LTA4H: variants seen among roughly 807,000 people sequenced by gnomAD.
LTA4H encodes leukotriene A4 hydrolase.
In LTA4H, 59 loss-of-function variants were observed where a neutral mutation model predicts 89.8. The observed-to-expected ratio is 0.66, with a 90% CI of 0.53 to 0.82. LTA4H has a LOEUF of 0.82. LTA4H is among the 40% of genes least tolerant of loss of function. LTA4H has a pLI of 0.00. For missense variants in LTA4H, 617 were observed against 727.0 expected, an observed-to-expected ratio of 0.85 and a Z score of 1.74; for synonymous variants, 227 against 253.1, an observed-to-expected ratio of 0.90 and a Z score of 0.98.
At chr12:96,032,304 G>A (rs992227720) in intron 1 of LTA4H, among the ~76,000 whole-genome samples, 1 of 152,192 alleles carries the variant, frequency 6.6e-6, no homozygotes, top group African/African-American at 2.4e-5. Context: ...GAACGGAGAG[G>A]AAAAGAAGAC....
chr12:96,023,975 G>T (rs1269776979), intron 4 of LTA4H, among the ~76,000 whole-genome samples: 4 of 151,836 alleles, frequency 2.6e-5, no homozygotes, highest in African/African-American at 9.7e-5. Flanking sequence ...TGTCGCCCAG[G>T]CTGGAGTGCA....
rs758805528 is a variant in LTA4H at position 96,015,712 on chromosome 12, T to C, written c.948-18A>G. The C allele has an allele frequency of 1.4e-6, 2 of 1,411,876 alleles. No individual in the cohort carries two copies. The highest frequency in any genetic ancestry group is 2.0e-6 in the Non-Finnish European group (2 of 1,001,596). 87.5% of individuals were successfully genotyped at this position (1,411,876 alleles called of 1,614,324 possible). On this transcript the variant is annotated intron_variant, in intron 10 of 18. Coordinates refer to ENST00000228740, the MANE Select transcript of LTA4H (RefSeq NM_000895.3). ...CATTTAACCTGAAAAAAAAATATTT[T>C]AATAAAAACACGGACACAGCTGAGA...
chr12:96,035,938 G>A (rs1245908335), upstream of LTA4H, among the ~76,000 whole-genome samples: 1 of 152,122 alleles, frequency 6.6e-6, no homozygotes, highest in Non-Finnish European at 1.5e-5. Flanking sequence ...AGAAAATCAG[G>A]TTCATTGGTG....
upstream of LTA4H, among the ~76,000 whole-genome samples, chr12:96,038,892 C>T (rs1388345489): frequency 1.3e-5 from 2 of 150,644 alleles, no homozygotes; most frequent in African/African-American, 4.9e-5. Context: ...ATAAAAATAT[C>T]CACACACAAC....
At chr12:96,002,845 AC>A in intron 18 of LTA4H, 114 bp downstream of exon 18, 1 of 677,580 alleles carries the variant, frequency 1.5e-6, no homozygotes, top group Non-Finnish European at 2.5e-6. Context: ...CCAAAATTAT[AC>A]TGATAAACTT....
Position 96,035,185 on chromosome 12 carries a change from C to A in LTA4H, c.159+176G>T, listed in dbSNP as rs929977114. 3.3e-5 allele frequency among the ~76,000 whole-genome samples: 5 copies of A among 152,038 alleles called. No homozygotes were observed. In the South Asian group the frequency reaches 1.0e-3, roughly 31 times the overall value. On this transcript the variant is annotated intron_variant, in intron 1 of 18. Transcript: ENST00000228740. ...GTTGAGAAGGGGTGCTGTGAGAGATCTGGGGGCTGAAGTGCACAACATGAG... is the reference window on the plus strand; with the variant it reads ...GTTGAGAAGGGGTGCTGTGAGAGATATGGGGGCTGAAGTGCACAACATGAG...
In LTA4H at chr12:96,022,114, A is replaced by G. The variant is rs1219010638; in HGVS notation, c.585+33T>C. The G allele has an allele frequency of 6.7e-7, 1 of 1,491,466 alleles. No homozygotes were observed. Among genetic ancestry groups the G allele is most frequent in the Non-Finnish European group, 9.3e-7 (1 of 1,071,294 alleles). The allele number at this position is 1,491,466 out of a possible 1,614,324, so 92.4% of individuals were successfully genotyped here. A position where few individuals can be genotyped will look rare whatever the true frequency, so the allele number is the denominator to read the frequency against. ...ACAAGCTAACTGTAGTTTACCGCCAATGAAAACAAAAATCTAGACCCTAGG... is the reference window on the plus strand; with the variant it reads ...ACAAGCTAACTGTAGTTTACCGCCAGTGAAAACAAAAATCTAGACCCTAGG... On this transcript the variant is annotated intron_variant, in intron 5 of 18. Coordinates refer to ENST00000228740, the MANE Select transcript of LTA4H (RefSeq NM_000895.3). The surrounding 1 kb of genome is among the most constrained non-coding windows in gnomAD (Gnocchi z 4.0).
At chr12:96,003,468 C>A (rs1469615527) in intron 17 of LTA4H, 2 of 194,166 alleles carry the variant, frequency 1.0e-5, no homozygotes, top group Non-Finnish European at 2.1e-5. Context: ...TTAAGCCTCA[C>A]ATTACAAATT....
intron 1 of LTA4H, among the ~76,000 whole-genome samples, chr12:96,040,675 G>A (rs561659066): frequency 3.9e-5 from 6 of 152,222 alleles, no homozygotes; most frequent in Non-Finnish European, 7.3e-5. Flanking sequence ...GGTAGAAGGA[G>A]CCATGAGCTG....
chr12:96,035,787 C>T, upstream of LTA4H: 2 of 579,180 alleles, frequency 3.5e-6, no homozygotes, highest in South Asian at 7.7e-5. Flanking sequence ...AAGCGTGCTC[C>T]TGGAGCTGAA....
chr12:96,021,635 T>G lies in LTA4H; in HGVS notation c.586-498A>C, dbSNP rs536425793. 2.0e-5 allele frequency among the ~76,000 whole-genome samples: 3 copies of G among 151,386 alleles called. No individual in the cohort carries two copies. The South Asian group carries it at 6.3e-4, about 32-fold the overall frequency. On this transcript the variant is annotated intron_variant, in intron 5 of 18. Transcript: ENST00000228740. ...GGAACCACAGAAGCTGCAGTGGAAG[T>G]CAAATTATCCATTGTGAGGTCAATT...
At chr12:96,040,863 C>T (rs902933698) in intron 1 of LTA4H, among the ~76,000 whole-genome samples, 2 of 152,190 alleles carry the variant, frequency 1.3e-5, no homozygotes, top group African/African-American at 4.8e-5. Flanking sequence ...CAGTTTTGCC[C>T]CAGATACTTG....
chr12:96,030,074 G>A (rs572649071), intron 1 of LTA4H, among the ~76,000 whole-genome samples: 8 of 151,926 alleles, frequency 5.3e-5, no homozygotes, highest in African/African-American at 1.9e-4. Context: ...CCCCCACCCC[G>A]ATCAACAAAG....
At position 96,035,428 on chromosome 12, in the gene LTA4H, GTAA is replaced by G; in HGVS notation, c.89_91del (p.Phe30_Thr31delinsSer). 1 of 1,610,768 alleles carries G rather than the reference GTAA, an allele frequency of 6.2e-7. No individual in the cohort carries two copies. The highest frequency in any genetic ancestry group is 1.1e-5 in the South Asian group (1 of 90,314). ...AGCAGTCCCGGTCAGCGTCCGGCGA[GTAA>G]AGTCGACGCTGCAGCGCAGGTGCAG... On this transcript the variant is annotated inframe_deletion, in exon 1 of 19. Coordinates refer to ENST00000228740, the MANE Select transcript of LTA4H (RefSeq NM_000895.3).
At chr12:96,001,228 A>AGAGAATAAGAACACAAGTCAATACG in intron 18 of LTA4H, 122 bp from the exon 19 acceptor site, 1 of 665,326 alleles carries the variant, frequency 1.5e-6, no homozygotes, top group Non-Finnish European at 2.7e-6. Context: ...GGAAGGAGAA[A>AGAGAATAAGAACACAAGTCAATACG]GAGAATAAGA....
chr12:96,013,305 G>A, intron 13 of LTA4H, 47 bp from the exon 14 acceptor site: 1 of 1,336,754 alleles, frequency 7.5e-7, no homozygotes, highest in Non-Finnish European at 1.1e-6. Context: ...GCCCTTTCCT[G>A]TCAAAAAAAA....
At position 96,024,493 on chromosome 12, in the gene LTA4H, T is replaced by C. The variant is rs1950490799; in HGVS notation, c.466A>G (p.Thr156Ala). ...GTAATATTTACCTCTGCAGTATAGGTTAATTTCACAGAAGGAGTGTCCTGA... is the reference window on the plus strand; with the variant it reads ...GTAATATTTACCTCTGCAGTATAGGCTAATTTCACAGAAGGAGTGTCCTGA... ...PCQDTPSVKL[T>A]YTAEVSVPKE... Residue 156 changes from threonine (T) to alanine (A), a missense_variant, in exon 4 of 19, where the codon ACC (threonine) becomes GCC (alanine). This residue lies in a region of LTA4H where 172 missense variants were observed against 244.5 expected (regional missense o/e 0.70). Transcript: ENST00000228740. 6.2e-7 allele frequency: 1 copy of C among 1,607,904 alleles called. No homozygotes were observed. Among genetic ancestry groups the C allele is most frequent in the Non-Finnish European group, 8.5e-7 (1 of 1,174,630 alleles).
chr12:96,014,257 T>C (rs1950345157), intron 12 of LTA4H: 1 of 170,384 alleles, frequency 5.9e-6, no homozygotes, highest in Non-Finnish European at 1.2e-5. Flanking sequence ...TCAATGTCCA[T>C]CAGTGGGGGA....
chr12:96,015,045 A>T (rs766382807), intron 11 of LTA4H, 46 bp from the exon 12 acceptor site: 1 of 1,569,494 alleles, frequency 6.4e-7, no homozygotes, highest in East Asian at 2.3e-5. Context: ...AAAGACTGCT[A>T]TCACCACGCA....
Sources: allele counts gnomAD v4.1 joint callset (sites outside exome capture counted in the v4.1 genomes callset), GRCh38; gene constraint gnomAD v4.1.1; regional missense constraint gnomAD v4.1.1; non-coding constraint Gnocchi (gnomAD v3.1); transcripts MANE v1.5; gene names NCBI Gene and HGNC (gene_info 2026-07-23, HGNC 2026-07-21).